DGKB: variants seen among roughly 807,000 people sequenced by gnomAD.
The protein encoded by DGKB is diacylglycerol kinase beta, also known as 90 kDa diacylglycerol kinase.
In DGKB, 67 loss-of-function variants were observed where a neutral mutation model predicts 114.3. That is an observed-to-expected ratio of 0.59 (90% CI 0.48 to 0.72). The LOEUF (loss-of-function observed/expected upper bound fraction) is 0.72. Among genes scored for constraint, DGKB ranks in the 30% least tolerant of loss-of-function variants. DGKB has a pLI of 0.00. For missense variants in DGKB, 907 were observed against 975.2 expected, an observed-to-expected ratio of 0.93 and a Z score of 0.93; for synonymous variants, 398 against 323.1, an observed-to-expected ratio of 1.23 and a Z score of -2.49.
intron 1 of DGKB, among the ~76,000 whole-genome samples, chr7:14,962,802 G>A (rs1786933475): frequency 6.6e-6 from 1 of 152,022 alleles, no homozygotes; most frequent in Admixed American, 6.6e-5. Context: ...AACATACAAT[G>A]TCACAGCTAC....
At chr7:14,753,873 C>T in intron 4 of DGKB, 55 bp downstream of exon 4, 1 of 1,055,368 alleles carries the variant, frequency 9.5e-7, no homozygotes. Context: ...ATTCATAGAT[C>T]ATATCAGAAT....
intron 1 of DGKB, among the ~76,000 whole-genome samples, chr7:14,913,171 C>T (rs756648512): frequency 1.3e-4 from 20 of 151,934 alleles, no homozygotes; most frequent in African/African-American, 4.4e-4. Context: ...GTCTTCTCTG[C>T]CCTGAAAGAT....
At chr7:14,186,081 A>G (rs1249590988) in intron 23 of DGKB, among the ~76,000 whole-genome samples, 2 of 152,244 alleles carry the variant, frequency 1.3e-5, no homozygotes, top group Non-Finnish European at 2.9e-5. Context: ...GTAAACAGAC[A>G]ACCCACAAAG....
intron 21 of DGKB, among the ~76,000 whole-genome samples, chr7:14,362,951 T>C (rs1816015979): frequency 6.6e-6 from 1 of 152,048 alleles, no homozygotes; most frequent in Non-Finnish European, 1.5e-5. Flanking sequence ...TTTTGACTCA[T>C]GGAACATTAC....
At chr7:14,733,797 A>G (rs1467490213) in intron 5 of DGKB, among the ~76,000 whole-genome samples, 1 of 135,778 alleles carries the variant, frequency 7.4e-6, no homozygotes, top group Non-Finnish European at 1.7e-5. Flanking sequence ...AAGAAGGGAG[A>G]GAGGGAGGGA....
intron 1 of DGKB, among the ~76,000 whole-genome samples, chr7:14,955,376 CTCT>C (rs772637663): frequency 1.9e-4 from 29 of 151,978 alleles, no homozygotes; most frequent in Non-Finnish European, 4.1e-4. Flanking sequence ...TGGGATTCCT[CTCT>C]TTTTTCTCTT....
At chr7:14,478,298 TA>T (rs1170603446) in intron 20 of DGKB, 73 bp from the exon 21 acceptor site, 3 of 871,698 alleles carry the variant, frequency 3.4e-6, no homozygotes, top group Non-Finnish European at 5.1e-6. Context: ...GTAGACTAAA[TA>T]AAAAAATAAC....
In DGKB at chr7:14,681,676, T is replaced by C. The variant is rs558093223; in HGVS notation, c.1035+877A>G. Among the ~76,000 whole-genome samples the C allele has an allele frequency of 1.2e-3, 177 of 152,192 alleles. 2 individuals carry two copies. Among genetic ancestry groups the C allele is most frequent in the African/African-American group, 4.2e-3 (175 of 41,556 alleles). ...CCCATAAATATTTTGTACTACATTA[T>C]CAAAAATAGCTATTATTGAAAATGT... On this transcript the variant is annotated intron_variant, in intron 12 of 25. Coordinates refer to ENST00000402815, the MANE Select transcript of DGKB (RefSeq NM_001350709.2).
At chr7:14,443,049 T>C (rs763725126) in intron 21 of DGKB, among the ~76,000 whole-genome samples, 3 of 152,220 alleles carry the variant, frequency 2.0e-5, no homozygotes, top group Admixed American at 6.5e-5. Context: ...AATCTTGTTT[T>C]ATAATTGTTT....
At chr7:14,412,419 C>T (rs1462963605) in intron 21 of DGKB, among the ~76,000 whole-genome samples, 1 of 152,136 alleles carries the variant, frequency 6.6e-6, no homozygotes, top group East Asian at 1.9e-4. Flanking sequence ...ATTCCCTGCT[C>T]AAGACCCAGT....
At chr7:14,714,722 A>G (rs1333562087) in intron 6 of DGKB, among the ~76,000 whole-genome samples, 2 of 152,168 alleles carry the variant, frequency 1.3e-5, no homozygotes, top group African/African-American at 2.4e-5. Context: ...GCTATAACCC[A>G]AAGAATTATA....
chr7:14,504,320 C>T (rs539994723), intron 20 of DGKB, among the ~76,000 whole-genome samples: 126 of 152,218 alleles, frequency 8.3e-4, no homozygotes, highest in African/African-American at 2.9e-3. Flanking sequence ...CTTGGCTGTG[C>T]GCCTTTCTAA....
intron 23 of DGKB, among the ~76,000 whole-genome samples, chr7:14,307,327 A>G (rs2128498863): frequency 6.6e-6 from 1 of 152,306 alleles, no homozygotes; most frequent in South Asian, 2.1e-4. Context: ...TCCGACTTCA[A>G]TTAATTAAAG....
intron 4 of DGKB, among the ~76,000 whole-genome samples, chr7:14,739,032 TC>T (rs1231722368): frequency 7.9e-5 from 12 of 152,222 alleles, no homozygotes; most frequent in African/African-American, 2.9e-4. Context: ...ATATGCCAAG[TC>T]CCAAGTGTAT....
chr7:14,849,788 C>A (rs560023448), intron 1 of DGKB, among the ~76,000 whole-genome samples: 22 of 152,112 alleles, frequency 1.4e-4, no homozygotes, highest in Admixed American at 3.3e-4. Context: ...AGGACACAGA[C>A]CACCACTGAT....
At chr7:14,841,671 G>A (rs1847951844) in intron 1 of DGKB, among the ~76,000 whole-genome samples, 1 of 152,028 alleles carries the variant, frequency 6.6e-6, no homozygotes. Context: ...ATTTTTATCA[G>A]TCTGTACCAA....
intron 21 of DGKB, among the ~76,000 whole-genome samples, chr7:14,362,339 A>C (rs1369507176): frequency 6.6e-6 from 1 of 152,060 alleles, no homozygotes; most frequent in Non-Finnish European, 1.5e-5. Flanking sequence ...GAATTTAATC[A>C]TTTGAGACAG....
intron 13 of DGKB, among the ~76,000 whole-genome samples, chr7:14,648,558 G>A (rs373306669): frequency 7.9e-5 from 12 of 152,226 alleles, no homozygotes; most frequent in South Asian, 2.1e-4. Context: ...AACAGAACAG[G>A]AAAACTGGAA....
chr7:14,708,448 G>C (rs1424941552), intron 6 of DGKB, among the ~76,000 whole-genome samples: 5 of 144,568 alleles, frequency 3.5e-5, no homozygotes, highest in African/African-American at 1.1e-4. Flanking sequence ...TTTCTTCACA[G>C]AATTGGAAAA....
Sources: allele counts gnomAD v4.1 joint callset (sites outside exome capture counted in the v4.1 genomes callset), GRCh38; gene constraint gnomAD v4.1.1; transcripts MANE v1.5; gene names NCBI Gene and HGNC (gene_info 2026-07-23, HGNC 2026-07-21).